Variants in AGBL1 observed in about 807,000 individuals in gnomAD.
AGBL1 encodes AGBL carboxypeptidase 1.
In AGBL1, 130 loss-of-function variants were observed where a neutral mutation model predicts 118.9. That is an observed-to-expected ratio of 1.09 (90% CI 0.95 to 1.26). AGBL1 has a LOEUF of 1.26. Among genes scored for constraint, AGBL1 ranks in the 50% most tolerant of loss-of-function variants. The probability of loss-of-function intolerance (pLI) is 0.00; values close to 1 mark genes in which losing one functional copy is unlikely to be tolerated. For missense variants in AGBL1, 1,584 were observed against 1,298.1 expected (o/e 1.22, Z -3.38); for synonymous variants, 555 against 478.9 (o/e 1.16, Z -2.08).
At chr15:86,351,647 A>G (rs1482667241) in intron 17 of AGBL1, among the ~76,000 whole-genome samples, 3 of 152,108 alleles carry the variant, frequency 2.0e-5, no homozygotes, top group Non-Finnish European at 4.4e-5. Flanking sequence ...AAATCTGATC[A>G]TGTGTGGATA....
At chr15:86,283,549 G>T (rs1307629405) in intron 16 of AGBL1, among the ~76,000 whole-genome samples, 2 of 151,944 alleles carry the variant, frequency 1.3e-5, no homozygotes, top group Admixed American at 1.3e-4. Context: ...AAAAGAAAAG[G>T]AATTAGAATG....
chr15:86,916,995 A>C (rs1207404385), downstream of AGBL1, among the ~76,000 whole-genome samples: 5 of 152,236 alleles, frequency 3.3e-5, no homozygotes, highest in Admixed American at 3.3e-4. Flanking sequence ...CAACATAAAC[A>C]GGAAGACCTA....
intron 1 of AGBL1, among the ~76,000 whole-genome samples, chr15:86,097,228 A>G (rs1458689307): frequency 6.6e-6 from 1 of 152,182 alleles, no homozygotes; most frequent in Non-Finnish European, 1.5e-5. Context: ...TACATGTGAT[A>G]TTTTGTTACA....
chr15:86,497,618 G>A (rs1320802698), intron 18 of AGBL1, among the ~76,000 whole-genome samples: 6 of 151,914 alleles, frequency 3.9e-5, no homozygotes, highest in Non-Finnish European at 8.8e-5. Flanking sequence ...CATCATTTGG[G>A]AATAAATCTC....
intron 21 of AGBL1, among the ~76,000 whole-genome samples, chr15:86,658,978 CAT>C (rs1227686880): frequency 4.6e-5 from 7 of 152,160 alleles, no homozygotes; most frequent in African/African-American, 7.2e-5. Context: ...TTACGCAGAA[CAT>C]GTGTTGGCTG....
intron 22 of AGBL1, among the ~76,000 whole-genome samples, chr15:86,821,176 G>T (rs1205170740): frequency 6.6e-6 from 1 of 152,034 alleles, no homozygotes; most frequent in Non-Finnish European, 1.5e-5. Context: ...GGCCTGTCAG[G>T]AGATTGGGGG....
intron 22 of AGBL1, among the ~76,000 whole-genome samples, chr15:86,690,485 C>T (rs1415841584): frequency 2.0e-5 from 3 of 152,110 alleles, no homozygotes; most frequent in Admixed American, 2.0e-4. Flanking sequence ...GTCCATTCAC[C>T]TTTTTAAACA....
chr15:86,545,856 C>A, intron 19 of AGBL1, 146 bp from the exon 20 acceptor site: 1 of 913,698 alleles, frequency 1.1e-6, no homozygotes, highest in African/African-American at 1.7e-5. Flanking sequence ...CCGCACATGG[C>A]TGGTCTGCTA....
intron 23 of AGBL1, among the ~76,000 whole-genome samples, chr15:86,925,189 GAAA>G: frequency 1.1e-5 from 1 of 90,302 alleles, no homozygotes; most frequent in East Asian, 3.6e-4. Flanking sequence ...GGAAGAGGAA[GAAA>G]AGAAGAAAAG....
chr15:86,130,989 G>T (rs2076811732), intron 1 of AGBL1, among the ~76,000 whole-genome samples: 1 of 152,154 alleles, frequency 6.6e-6, no homozygotes, highest in East Asian at 1.9e-4. Context: ...GACATTTAAT[G>T]CCAATTGATC....
At position 86,927,292 on chromosome 15, in the gene AGBL1, A is replaced by T. The variant is rs537347052; in HGVS notation, c.3222-60695A>T. On this transcript the variant is annotated intron_variant, in intron 23 of 24. Coordinates refer to the AGBL1 transcript ENST00000441037. ...AAAGTAGCTCAACTTACAAATAATA[A>T]GGAAAGTTATTTTAGGCCAGGTGTG... is the stretch of plus-strand genomic sequence containing the variant. Among the ~76,000 whole-genome samples, 52 of 152,262 alleles carry T rather than the reference A, an allele frequency of 3.4e-4. 1 individual carries two copies. The highest frequency in any genetic ancestry group is 1.2e-3 in the African/African-American group (48 of 41,548).
chr15:86,630,071 A>T (rs1369283255), intron 21 of AGBL1, among the ~76,000 whole-genome samples: 1 of 152,250 alleles, frequency 6.6e-6, no homozygotes, highest in Non-Finnish European at 1.5e-5. Flanking sequence ...TGCTTTGAAG[A>T]GGATGAAAAT....
intron 22 of AGBL1, among the ~76,000 whole-genome samples, chr15:86,785,556 C>T (rs980053065): frequency 7.2e-5 from 11 of 151,794 alleles, no homozygotes; most frequent in East Asian, 5.8e-4. Context: ...TTAGTAGAGA[C>T]GGGGTTTCAC....
At position 86,943,421 on chromosome 15, in the gene AGBL1, CAG is replaced by C. The variant is rs771106558; in HGVS notation, c.3222-44560_3222-44559del. Among the ~76,000 whole-genome samples the C allele has an allele frequency of 7.2e-5, 11 of 152,318 alleles. No individual in the cohort carries two copies. In the East Asian group the frequency reaches 1.9e-3, roughly 27 times the overall value. ...TGGAATCTGTGATATCTCTCTCCTG[CAG>C]AGAGACAGGAGCTCCCCAGTAGGTC... On this transcript the variant is annotated intron_variant, in intron 23 of 24. Coordinates refer to the AGBL1 transcript ENST00000441037.
intron 22 of AGBL1, among the ~76,000 whole-genome samples, chr15:86,818,247 C>T (rs915530304): frequency 2.6e-4 from 39 of 152,126 alleles, no homozygotes; most frequent in African/African-American, 6.8e-4. Flanking sequence ...ATATTTGTTA[C>T]GGCAGCTCTA....
At chr15:86,498,444 A>G (rs1422074864) in intron 18 of AGBL1, among the ~76,000 whole-genome samples, 1 of 151,868 alleles carries the variant, frequency 6.6e-6, no homozygotes, top group Non-Finnish European at 1.5e-5. Context: ...CCTCTATGAC[A>G]AGAGTGTTTC....
In AGBL1 at chr15:86,839,441, T is replaced by G. The variant is rs115725500; in HGVS notation, c.3159-67646T>G. 7.6e-3 allele frequency among the ~76,000 whole-genome samples: 1,163 copies of G among 152,334 alleles called. 12 individuals are homozygous for G. Among genetic ancestry groups the G allele is most frequent in the African/African-American group, 0.018 (728 of 41,568 alleles). On this transcript the variant is annotated intron_variant, in intron 22 of 22. Transcript: ENST00000614907. Reference sequence around the variant, plus strand: ...ATTTCTTATTGGATCCATTGCATGTTAAATTTATCAGTTTGATTCACAAAG... The same window carrying G: ...ATTTCTTATTGGATCCATTGCATGTGAAATTTATCAGTTTGATTCACAAAG...
At chr15:86,800,302 A>G (rs533025865) in intron 22 of AGBL1, among the ~76,000 whole-genome samples, 1 of 152,300 alleles carries the variant, frequency 6.6e-6, no homozygotes, top group East Asian at 1.9e-4. Context: ...GAAGCCATGT[A>G]AAGAGAATTA....
At chr15:86,620,146 C>T (rs904812179) in intron 21 of AGBL1, among the ~76,000 whole-genome samples, 2 of 152,122 alleles carry the variant, frequency 1.3e-5, no homozygotes, top group African/African-American at 4.8e-5. Context: ...TTGGTGGTGT[C>T]AGGTACGATT....
Sources: gnomAD v4.1 joint callset for allele counts (sites outside exome capture counted in the v4.1 genomes callset) on GRCh38, gnomAD v4.1.1 for gene constraint, MANE v1.5 for transcripts, NCBI Gene and HGNC (gene_info 2026-07-23, HGNC 2026-07-21) for gene names.